Variants in EPHB4 observed in about 807,000 individuals in gnomAD.
EPHB4 encodes ephrin type-B receptor 4.
EPHB4 carries 50 observed loss-of-function variants against 110.6 expected under a neutral mutation model. The observed-to-expected ratio is 0.45, with a 90% CI of 0.36 to 0.57. The LOEUF (loss-of-function observed/expected upper bound fraction) is 0.57, where lower values mean the gene tolerates loss of function less well. Ranked by LOEUF, EPHB4 falls within the 20% of genes least tolerant of loss-of-function variation. The probability of loss-of-function intolerance (pLI) is 0.00; values close to 1 mark genes in which losing one functional copy is unlikely to be tolerated. For synonymous variants in EPHB4, 592 were observed against 578.4 expected (o/e 1.02, Z -0.34); for missense variants, 1,128 against 1,382.1 (o/e 0.82, Z 2.91).
chr7:100,815,268 A>G (rs537383619), intron 8 of EPHB4, among the ~76,000 whole-genome samples: 1 of 151,676 alleles, frequency 6.6e-6, no homozygotes, highest in South Asian at 2.1e-4. Context: ...GGCTGCAGTG[A>G]GCTGTAATTG....
chr7:100,813,809 T>G, intron 9 of EPHB4, 93 bp from the exon 10 acceptor site: 1 of 1,606,956 alleles, frequency 6.2e-7, no homozygotes, highest in Non-Finnish European at 8.5e-7. Flanking sequence ...TTGGAGAAGA[T>G]TTCAAGTAAA....
At position 100,817,253 on chromosome 7, in the gene EPHB4, C is replaced by A; in HGVS notation, c.1527G>T (p.Ala509=). Residue 509 remains alanine, a synonymous_variant, in exon 8 of 17, where the codon GCG becomes GCT. Coordinates refer to ENST00000358173, the MANE Select transcript of EPHB4 (RefSeq NM_004444.5). The part of the protein sequence containing the change: ...RGASYLVQVR[A]RSEAGYGPFG... ...AGGGCCCGTAGCCGGCCTCAGAGCG[C>A]GCCCGTACCTGCACCAGGTAGCTGG... 1 of 1,606,776 alleles carries A rather than the reference C, an allele frequency of 6.2e-7. No individual in the cohort carries two copies. Among genetic ancestry groups the A allele is most frequent in the Non-Finnish European group, 8.5e-7 (1 of 1,177,396 alleles).
chr7:100,826,819 C>G, intron 1 of EPHB4, 160 bp downstream of exon 1: 119 of 615,724 alleles, frequency 1.9e-4, no homozygotes, highest in Non-Finnish European at 2.5e-4. Context: ...GCGCCTCTTC[C>G]CCGCCCCCCT....
rs752220598 is a variant in EPHB4, at chr7:100,805,490, G to A, written c.2678+11C>T. On this transcript the variant is annotated intron_variant, in intron 15 of 16. Transcript: ENST00000358173. ...GAGCGGGAAGGAGGGCCCATTCTCT[G>A]CAGTCCTCACCCGCCATTCTCCCGG... 1 of 1,527,018 alleles carries A rather than the reference G, an allele frequency of 6.5e-7. No homozygotes were observed. The highest frequency in any genetic ancestry group is 2.1e-5 in the Admixed American group (1 of 47,240). The allele number at this position is 1,527,018 out of a possible 1,614,324, so 94.6% of individuals were successfully genotyped here.
At chr7:100,821,870 T>A (rs1406374447) in intron 4 of EPHB4, among the ~76,000 whole-genome samples, 1 of 151,626 alleles carries the variant, frequency 6.6e-6, no homozygotes, top group Non-Finnish European at 1.5e-5. Context: ...TAAAGTCTTT[T>A]TTTTTTCCAG....
intron 16 of EPHB4, among the ~76,000 whole-genome samples, chr7:100,804,640 TG>T (rs1812775583): frequency 1.3e-5 from 2 of 152,204 alleles, no homozygotes; most frequent in Admixed American, 1.3e-4. Context: ...CTTCTATTTC[TG>T]TTATTCAACC....
chr7:100,821,135 T>C (rs1291138766), intron 4 of EPHB4: 1 of 149,766 alleles, frequency 6.7e-6, no homozygotes, highest in African/African-American at 2.4e-5. Flanking sequence ...CTTGTTGGAG[T>C]GCACTCCCAG....
At position 100,811,188 on chromosome 7, in the gene EPHB4, G is replaced by A. The variant is rs559663036; in HGVS notation, c.2118+1559C>T. Among the ~76,000 whole-genome samples the A allele has an allele frequency of 8.2e-4, 124 of 151,636 alleles. 1 individual carries two copies. The highest frequency in any genetic ancestry group is 1.5e-3 in the Non-Finnish European group (104 of 67,974). On this transcript the variant is annotated intron_variant, in intron 12 of 16. Transcript: ENST00000358173. ...AATCACTTGAACCCAGGAGGTGGAC[G>A]TTGCGGTGAGCCAAGAACGCACCAC...
Position 100,827,037 on chromosome 7 carries a change from G to A in EPHB4, c.-7C>T, listed in dbSNP as rs1460184115. ...GCAGCACCCGGAGCTCCATGGCGCC[G>A]CCTCACTCGGGTAGGATCCGAACTG... On this transcript the variant is annotated 5_prime_UTR_variant, in exon 1 of 17. Coordinates refer to ENST00000358173, the MANE Select transcript of EPHB4 (RefSeq NM_004444.5). 2.5e-6 allele frequency: 4 copies of A among 1,578,908 alleles called. No homozygotes were observed. Among genetic ancestry groups the A allele is most frequent in the Non-Finnish European group, 3.4e-6 (4 of 1,162,908 alleles).
chr7:100,821,429 A>G (rs982868351), intron 4 of EPHB4, among the ~76,000 whole-genome samples: 1 of 151,180 alleles, frequency 6.6e-6, no homozygotes, highest in Non-Finnish European at 1.5e-5. Context: ...GGAGATCGAG[A>G]CCATCCTGGC....
At chr7:100,813,254 T>C (rs765002479) in intron 10 of EPHB4, 46 bp from the exon 11 acceptor site, 2 of 1,487,600 alleles carry the variant, frequency 1.3e-6, no homozygotes, top group South Asian at 2.3e-5. Flanking sequence ...TAACTCCCAC[T>C]GGACTCGGAG....
At position 100,812,635 on chromosome 7, in the gene EPHB4, G is replaced by C. The variant is rs1812962294; in HGVS notation, c.2118+112C>G. ...ACCAGGGCTTAGCCCAAGAGGAAAAGGCTGGAGGAGGTGACCTGGGACCCA... is the reference window on the plus strand; with the variant it reads ...ACCAGGGCTTAGCCCAAGAGGAAAACGCTGGAGGAGGTGACCTGGGACCCA... On this transcript the variant is annotated intron_variant, in intron 12 of 16. Transcript: ENST00000358173. The C allele has an allele frequency of 6.3e-6, 9 of 1,421,940 alleles. 1 individual carries two copies. In the South Asian group the frequency reaches 1.3e-4, roughly 20 times the overall value. The allele number at this position is 1,421,940 out of a possible 1,614,324, so 88.1% of individuals were successfully genotyped here.
Position 100,817,352 on chromosome 7 carries a change from G to C in EPHB4, c.1428C>G (p.Ala476=). ...GGAACCGCACGCTGCTGGGACCCTC[G>C]GCGCCCTGTCCGGGAGAGGTAGTGG... ...DYEVKYHEKG[A]EGPSSVRFLK... The change falls in exon 8 of 17, where the codon GCC becomes GCG. Residue 476 remains alanine, a synonymous_variant. Transcript: ENST00000358173. The C allele has an allele frequency of 1.3e-6, 2 of 1,567,550 alleles. No homozygotes were observed. The highest frequency in any genetic ancestry group is 1.7e-6 in the Non-Finnish European group (2 of 1,158,552).
chr7:100,812,967 C>G lies in EPHB4; in HGVS notation c.1898G>C (p.Arg633Pro). 1 of 1,613,932 alleles carries G rather than the reference C, an allele frequency of 6.2e-7. No individual in the cohort carries two copies. The highest frequency in any genetic ancestry group is 8.5e-7 in the Non-Finnish European group (1 of 1,179,856). The change falls in exon 12 of 17, where the codon CGG becomes CCG. Residue 633 changes from arginine to proline, a missense_variant. By Grantham distance (103) the Arg-to-Pro change is moderately radical. This residue lies in a region of EPHB4 where 191 missense variants were observed against 313.0 expected (regional missense o/e 0.61). Coordinates refer to ENST00000358173, the MANE Select transcript of EPHB4 (RefSeq NM_004444.5). ...AGEFGEVCRG[R>P]LKAPGKKESC... Reference sequence around the variant, plus strand: ...CTCCTTCTTCCCTGGGGCCTTGAGCCGCCCCCGGCACACCTCGCCAAACTC... The same window carrying G: ...CTCCTTCTTCCCTGGGGCCTTGAGCGGCCCCCGGCACACCTCGCCAAACTC...
chr7:100,810,589 A>T (rs887639928), intron 12 of EPHB4, among the ~76,000 whole-genome samples: 2 of 151,966 alleles, frequency 1.3e-5, no homozygotes, highest in African/African-American at 4.8e-5. Context: ...TAAAAAATTT[A>T]AAAATTAGCC....
chr7:100,817,151 G>T (rs1005776802), intron 8 of EPHB4, 41 bp downstream of exon 8: 13 of 1,462,024 alleles, frequency 8.9e-6, no homozygotes, highest in South Asian at 1.5e-5. Context: ...AACTTTGGGG[G>T]TCTTTCCAAC....
Position 100,805,211 on chromosome 7 carries a change from G to A in EPHB4, c.2789C>T (p.Ala930Val). Residue 930 changes from alanine (A) to valine (V), a missense_variant, in exon 16 of 17, where the codon GCC (alanine) becomes GTC (valine). Ala to Val is a moderately conservative substitution (Grantham distance 64). This residue lies in a region of EPHB4 where 209 missense variants were observed against 240.5 expected (regional missense o/e 0.87). Transcript: ENST00000358173. ...KMGRYEESFA[A>V]AGFGSFELVS... ...CAGCTCGAAGGAGCCAAAGCCAGCG[G>A]CTGCGAAACTTTCTTCGTATCTTCC... 1 of 1,613,266 alleles carries A rather than the reference G, an allele frequency of 6.2e-7. No homozygotes were observed. Among genetic ancestry groups the A allele is most frequent in the Non-Finnish European group, 8.5e-7 (1 of 1,179,660 alleles).
chr7:100,807,281 C>A, intron 13 of EPHB4, 84 bp downstream of exon 13: 2 of 1,449,048 alleles, frequency 1.4e-6, no homozygotes, highest in South Asian at 1.2e-5. Context: ...GCAGGGCTGC[C>A]AAACCCTCAG....
chr7:100,806,690 T>G (rs1812824776), intron 13 of EPHB4, 121 bp from the exon 14 acceptor site: 1 of 1,183,502 alleles, frequency 8.4e-7, no homozygotes, highest in Admixed American at 2.7e-5. Context: ...GCCCCAAGCC[T>G]CCTACTCTCC....
Sources: gnomAD v4.1 joint callset for allele counts (sites outside exome capture counted in the v4.1 genomes callset) on GRCh38, gnomAD v4.1.1 for gene constraint, gnomAD v4.1.1 regional missense constraint, MANE v1.5 for transcripts, NCBI Gene and HGNC (gene_info 2026-07-23, HGNC 2026-07-21) for gene names.